WASHC5: variants seen among roughly 807,000 people sequenced by gnomAD.
The protein encoded by WASHC5 is WASH complex subunit 5.
WASHC5 carries 101 observed loss-of-function variants against 150.4 expected under a neutral mutation model. The ratio of observed to expected loss-of-function variants is 0.67; its 90% CI spans 0.57 to 0.79. The LOEUF (loss-of-function observed/expected upper bound fraction) is 0.79, where lower values mean the gene tolerates loss of function less well. WASHC5 is among the 30% of genes least tolerant of loss of function. The pLI is 0.00. For synonymous variants in WASHC5, 467 were observed against 491.2 expected, an observed-to-expected ratio of 0.95 and a Z score of 0.65; for missense variants, 1,195 against 1,396.3, an observed-to-expected ratio of 0.86 and a Z score of 2.30.
chr8:125,066,909 A>C (rs16900331), intron 10 of WASHC5, among the ~76,000 whole-genome samples: 2 of 152,202 alleles, frequency 1.3e-5, no homozygotes, highest in Admixed American at 6.5e-5. Context: ...GTCTCTTCTC[A>C]TGGAAGTCTA....
At chr8:125,035,022 A>G (rs1815657661) in intron 26 of WASHC5, among the ~76,000 whole-genome samples, 1 of 152,110 alleles carries the variant, frequency 6.6e-6, no homozygotes, top group Admixed American at 6.5e-5. Flanking sequence ...TAATCAAGAC[A>G]TTATTGGCAT....
chr8:125,080,784 C>T (rs1408597001), intron 5 of WASHC5, among the ~76,000 whole-genome samples: 5 of 152,186 alleles, frequency 3.3e-5, no homozygotes, highest in Admixed American at 3.3e-4. Context: ...AATCACAGTT[C>T]TGTATAGATA....
chr8:125,053,272 T>G (rs1816302947), intron 17 of WASHC5, among the ~76,000 whole-genome samples: 1 of 152,150 alleles, frequency 6.6e-6, no homozygotes, highest in Non-Finnish European at 1.5e-5. Context: ...GGATTACTTT[T>G]AAAAGCCCTT....
intron 27 of WASHC5, among the ~76,000 whole-genome samples, chr8:125,029,180 C>T (rs1180360168): frequency 2.6e-5 from 4 of 152,086 alleles, no homozygotes; most frequent in Admixed American, 1.3e-4. Flanking sequence ...TACAGATGCA[C>T]GCCAGCATGC....
intron 1 of WASHC5, among the ~76,000 whole-genome samples, chr8:125,090,588 TG>T (rs1817578333): frequency 6.6e-6 from 1 of 152,236 alleles, no homozygotes; most frequent in Admixed American, 6.5e-5. Context: ...TAATTTGGCG[TG>T]GAACTGTGAT....
chr8:125,024,716 AACAATT>A (rs769201837), intron 28 of WASHC5, 43 bp from the exon 29 acceptor site: 1 of 1,341,406 alleles, frequency 7.5e-7, no homozygotes, highest in African/African-American at 1.4e-5. Context: ...GTTATAGTTG[AACAATT>A]ACAAAATTTT....
chr8:125,030,295 T>C (rs1320938806), intron 27 of WASHC5, among the ~76,000 whole-genome samples: 1 of 152,228 alleles, frequency 6.6e-6, no homozygotes, highest in Non-Finnish European at 1.5e-5. Context: ...TTTATGAGCC[T>C]ACTGCTTTCC....
In WASHC5 at chr8:125,059,071, G is replaced by A. The variant is rs537486304; in HGVS notation, c.1764+151C>T. 4.4e-5 allele frequency: 30 copies of A among 680,618 alleles called. No individual in the cohort carries two copies. The Middle Eastern group carries it at 7.4e-4, about 17-fold the overall frequency. 42.2% of individuals were successfully genotyped at this position (680,618 alleles called of 1,614,324 possible). A position where few individuals can be genotyped will look rare whatever the true frequency, so the allele number is the denominator to read the frequency against. ...CTGGAATCTTTGAAATTATGCTCTCGTGGAAAAACTGCTAACAATTTCAGT... is the reference window on the plus strand; with the variant it reads ...CTGGAATCTTTGAAATTATGCTCTCATGGAAAAACTGCTAACAATTTCAGT... On this transcript the variant is annotated intron_variant, in intron 14 of 28. Transcript: ENST00000318410.
chr8:125,047,088 A>C, intron 20 of WASHC5, 119 bp downstream of exon 20: 1 of 1,248,010 alleles, frequency 8.0e-7, no homozygotes, highest in Non-Finnish European at 1.2e-6. Flanking sequence ...AAAGGGTCAG[A>C]ATATGAGTTG....
chr8:125,056,690 C>T lies in WASHC5; in HGVS notation c.2003G>A (p.Gly668Asp). 6.2e-7 allele frequency: 1 copy of T among 1,614,004 alleles called. No homozygotes were observed. The highest frequency in any genetic ancestry group is 8.5e-7 in the Non-Finnish European group (1 of 1,179,978). The change falls in exon 16 of 29, where the codon GGC (glycine) becomes GAC (aspartate). Residue 668 changes from glycine (G) to aspartate (D), a missense_variant. Physicochemically the swap from Gly to Asp is moderately conservative, Grantham distance 94. Around this residue, in one of 3 missense-constraint regions of WASHC5, gnomAD observed 997 missense variants for 1,168.1 expected, o/e 0.85. Transcript: ENST00000318410. ...GGGACACAGCACCTCGTATCGTGGG[C>T]CTAGCTGAGCATAGTCCCTCAGCTT... The part of the protein sequence containing the change: ...KDKLRDYAQL[G>D]PRYEVAKLTH...
At chr8:125,074,601 G>GT (rs1816996745) in intron 8 of WASHC5, among the ~76,000 whole-genome samples, 1 of 152,090 alleles carries the variant, frequency 6.6e-6, no homozygotes, top group African/African-American at 2.4e-5. Flanking sequence ...TTAAATTACA[G>GT]TGACAGGACA....
chr8:125,028,688 G>A lies in WASHC5; in HGVS notation c.3355C>T (p.Pro1119Ser). Residue 1119 changes from proline to serine, a missense_variant, in exon 28 of 29, where the codon CCT becomes TCT. This residue lies in a region of WASHC5 where 997 missense variants were observed against 1,168.1 expected (regional missense o/e 0.85). Transcript: ENST00000318410. The part of the protein sequence containing the change: ...QCTSQKIPEI[P>S]ADVVGALLFL... Reference sequence around the variant, plus strand: ...AGAAGGGCACCCACAACATCTGCAGGAATTTCAGGTATCTTCTGGCTGTGA... The same window carrying A: ...AGAAGGGCACCCACAACATCTGCAGAAATTTCAGGTATCTTCTGGCTGTGA... 1 of 1,613,522 alleles carries A rather than the reference G, an allele frequency of 6.2e-7. No individual in the cohort carries two copies. Among genetic ancestry groups the A allele is most frequent in the Non-Finnish European group, 8.5e-7 (1 of 1,179,542 alleles).
Position 125,056,743 on chromosome 8 carries a change from A to T in WASHC5, c.1950T>A (p.Ile650=), listed in dbSNP as rs1267349209. The T allele has an allele frequency of 6.2e-7, 1 of 1,614,162 alleles. No homozygotes were observed. Among genetic ancestry groups the T allele is most frequent in the African/African-American group, 1.3e-5 (1 of 75,018 alleles). The change falls in exon 16 of 29, where the codon ATT becomes ATA. Residue 650 remains isoleucine (I), a synonymous_variant. Transcript: ENST00000318410. ...CTTTGTCCAGGCGGGTAGGCACTTC[A>T]ATAATGTCGTGGGTCTGAAGCTTTA... ...KIIKLQTHDI[I]EVPTRLDKDK... is the part of the protein sequence containing the mutation.
intron 8 of WASHC5, 98 bp downstream of exon 8, chr8:125,074,900 A>G: frequency 1.3e-6 from 1 of 789,040 alleles, no homozygotes; most frequent in Non-Finnish European, 2.3e-6. Flanking sequence ...TATCTAAGTG[A>G]TTATCTTCCA....
chr8:125,051,187 A>C (rs1208977696), intron 17 of WASHC5, among the ~76,000 whole-genome samples: 1 of 152,196 alleles, frequency 6.6e-6, no homozygotes, highest in African/African-American at 2.4e-5. Flanking sequence ...GGAATTAGGG[A>C]GATAAAATAA....
rs1334035716 is a variant in WASHC5 at position 125,047,999 on chromosome 8, C to T, written c.2380-668G>A. Among the ~76,000 whole-genome samples, 3 of 152,220 alleles carry T rather than the reference C, an allele frequency of 2.0e-5. No homozygotes were observed. In the East Asian group the frequency reaches 5.8e-4, roughly 29 times the overall value. ...TAGCTGGGACTACAGGCATGAGCTA[C>T]TGTACCTGGCCTGTTTCTTGGTTTT... On this transcript the variant is annotated intron_variant, in intron 19 of 28. Coordinates refer to ENST00000318410, the MANE Select transcript of WASHC5 (RefSeq NM_014846.4).
intron 1 of WASHC5, among the ~76,000 whole-genome samples, chr8:125,089,187 C>T (rs728532): frequency 0.15 from 22,186 of 152,138 alleles, 2,093 homozygotes; most frequent in Non-Finnish European, 0.21. Context: ...CTTGGGAAAG[C>T]AGAGAGGGAA....
intron 26 of WASHC5, among the ~76,000 whole-genome samples, chr8:125,035,890 T>C (rs1815688989): frequency 6.6e-6 from 1 of 152,266 alleles, no homozygotes; most frequent in Non-Finnish European, 1.5e-5. Flanking sequence ...AGAAATGCTC[T>C]TATAATGCTT....
At chr8:125,044,723 C>T (rs1464438800) in intron 20 of WASHC5, 25 bp from the exon 21 acceptor site, 2 of 1,611,488 alleles carry the variant, frequency 1.2e-6, no homozygotes, top group Non-Finnish European at 1.7e-6. Context: ...ATGCAAAAAC[C>T]CCAGAATGGC....
Sources: allele counts gnomAD v4.1 joint callset (sites outside exome capture counted in the v4.1 genomes callset), GRCh38; gene constraint gnomAD v4.1.1; regional missense constraint gnomAD v4.1.1; transcripts MANE v1.5; gene names NCBI Gene and HGNC (gene_info 2026-07-23, HGNC 2026-07-21).